The following UPP2 variants were observed in gnomAD, a reference collection of about 807,000 sequenced individuals.
UPP2 encodes the protein UPase 2.
In UPP2, 23 loss-of-function variants were observed where a neutral mutation model predicts 26.7. The ratio of observed to expected loss-of-function variants is 0.86; its 90% CI spans 0.62 to 1.22. UPP2 has a LOEUF of 1.22. UPP2 is among the 50% of genes most tolerant of loss of function. The pLI, the probability that UPP2 is intolerant of heterozygous loss-of-function variation, is 0.00. For missense variants in UPP2, 387 were observed against 396.7 expected, an observed-to-expected ratio of 0.98 and a Z score of 0.21; for synonymous variants, 127 against 141.3, an observed-to-expected ratio of 0.90 and a Z score of 0.72.
chr2:158,126,596 C>T (rs1683699453), intron 6 of UPP2: 1 of 152,190 alleles, frequency 6.6e-6, no homozygotes, highest in South Asian at 2.1e-4. Flanking sequence ...TCTTTCATTA[C>T]TACTTCATAA....
chr2:158,033,516 C>A (rs1018288099), intron 3 of UPP2, among the ~76,000 whole-genome samples: 4 of 152,110 alleles, frequency 2.6e-5, no homozygotes, highest in African/African-American at 9.7e-5. Context: ...GGGAGCCAGC[C>A]AGCCAGCCAG....
At chr2:158,092,387 T>C (rs1682925127) in intron 3 of UPP2, among the ~76,000 whole-genome samples, 1 of 152,104 alleles carries the variant, frequency 6.6e-6, no homozygotes, top group Admixed American at 6.5e-5. Flanking sequence ...CACAAGCAGA[T>C]GAAAACAAAC....
In UPP2 at chr2:158,115,277, C is replaced by T. The variant is rs1288093767; in HGVS notation, c.339+18C>T. On this transcript the variant is annotated intron_variant, in intron 3 of 6. Transcript: ENST00000005756. The stretch of plus-strand genomic sequence containing the variant: ...CCATCAGTGTAAGTATCCATGGTTG[C>T]ATTTCAGCTAGTCATTGCAGGCTAG... 2 of 1,582,966 alleles carry T rather than the reference C, an allele frequency of 1.3e-6. No individual in the cohort carries two copies. Among genetic ancestry groups the T allele is most frequent in the African/African-American group, 1.4e-5 (1 of 73,414 alleles).
chr2:158,109,674 A>C (rs6707705), intron 2 of UPP2, among the ~76,000 whole-genome samples: 84,844 of 152,024 alleles, frequency 0.56, 24,136 homozygotes, highest in African/African-American at 0.62. Flanking sequence ...GACCTTGTCT[A>C]ACTGGAAAGG....
At chr2:158,033,548 T>C (rs374927703) in intron 3 of UPP2, among the ~76,000 whole-genome samples, 191 of 152,244 alleles carry the variant, frequency 1.3e-3, no homozygotes, top group African/African-American at 3.9e-3. Context: ...TCCTCCTCTT[T>C]CCTGGGAAGA....
chr2:157,995,540 T>C (rs1026212363), intron 2 of UPP2, among the ~76,000 whole-genome samples: 3 of 152,188 alleles, frequency 2.0e-5, no homozygotes, highest in Admixed American at 2.0e-4. Context: ...ACTGGTGCCT[T>C]ATTTTCAATC....
At chr2:158,134,679 G>C (rs1298866951) in intron 6 of UPP2, 69 bp from the exon 7 acceptor site, 39 of 1,482,984 alleles carry the variant, frequency 2.6e-5, no homozygotes, top group Non-Finnish European at 3.5e-5. Flanking sequence ...ATGCTGGTGT[G>C]TTTGGCTAAT....
At chr2:158,126,196 C>G (rs1683690569) in intron 6 of UPP2, among the ~76,000 whole-genome samples, 2 of 152,172 alleles carry the variant, frequency 1.3e-5, no homozygotes, top group African/African-American at 4.8e-5. Flanking sequence ...TAACCTTGCT[C>G]TCTCTGCTAC....
intron 3 of UPP2, among the ~76,000 whole-genome samples, chr2:158,033,351 C>T (rs914091549): frequency 6.6e-6 from 1 of 152,206 alleles, no homozygotes; most frequent in African/African-American, 2.4e-5. Context: ...CTCACACTCA[C>T]CTACTCTCCT....
At chr2:158,021,492 A>G (rs947022788) in intron 3 of UPP2, among the ~76,000 whole-genome samples, 2 of 152,246 alleles carry the variant, frequency 1.3e-5, no homozygotes, top group African/African-American at 4.8e-5. Context: ...CTGTCTGTTC[A>G]TCGGAGGAGA....
chr2:158,094,062 C>T (rs1425166258), intron 3 of UPP2, among the ~76,000 whole-genome samples: 2 of 151,302 alleles, frequency 1.3e-5, no homozygotes, highest in East Asian at 3.9e-4. Context: ...TACACACACG[C>T]ACACACCTTA....
At chr2:158,032,776 G>C (rs1683942703) in intron 3 of UPP2, among the ~76,000 whole-genome samples, 1 of 152,168 alleles carries the variant, frequency 6.6e-6, no homozygotes, top group African/African-American at 2.4e-5. Flanking sequence ...ATGAGTTCCA[G>C]GTTATTGAAG....
chr2:158,048,271 C>T (rs1003930709), intron 3 of UPP2, among the ~76,000 whole-genome samples: 1 of 152,124 alleles, frequency 6.6e-6, no homozygotes, highest in Admixed American at 6.5e-5. Flanking sequence ...CTGAGTGGGG[C>T]CCCCATGCTC....
intron 3 of UPP2, among the ~76,000 whole-genome samples, chr2:158,019,648 AC>A (rs1553463329): frequency 3.8e-5 from 3 of 79,570 alleles, no homozygotes; most frequent in Non-Finnish European, 6.4e-5. Context: ...AAACACACAC[AC>A]ACACACACAC....
At chr2:158,089,632 T>A (rs1682875072) in intron 3 of UPP2, among the ~76,000 whole-genome samples, 1 of 152,188 alleles carries the variant, frequency 6.6e-6, no homozygotes, top group African/African-American at 2.4e-5. Flanking sequence ...TGAGACAAAG[T>A]CAGAAATGGC....
At chr2:158,039,162 A>AGTGAAGGGGGC (rs1684048976) in intron 3 of UPP2, among the ~76,000 whole-genome samples, 2 of 152,086 alleles carry the variant, frequency 1.3e-5, no homozygotes, top group Admixed American at 1.3e-4. Context: ...GAGGCTGGGG[A>AGTGAAGGGGGC]AGTGAAGGGG....
Position 158,072,990 on chromosome 2 carries a change from C to A in UPP2, c.148-29050C>A, listed in dbSNP as rs4588140. Among the ~76,000 whole-genome samples, 488 of 152,078 alleles carry A rather than the reference C, an allele frequency of 3.2e-3. 2 individuals are homozygous for A. Among genetic ancestry groups the A allele is most frequent in the African/African-American group, 0.011 (469 of 41,488 alleles). On this transcript the variant is annotated intron_variant, in intron 3 of 9. Coordinates refer to the UPP2 transcript ENST00000605860. ...TGACTTCACCAAACTAAATAAGGTA[C>A]CATGGACCAATCCTGGAAAAACAGA...
At chr2:158,008,989 A>G (rs561596638) in intron 2 of UPP2, among the ~76,000 whole-genome samples, 1 of 152,294 alleles carries the variant, frequency 6.6e-6, no homozygotes, top group Non-Finnish European at 1.5e-5. Flanking sequence ...TCCCCTCTTT[A>G]ATAGCTTTTT....
intron 3 of UPP2, among the ~76,000 whole-genome samples, chr2:158,036,964 G>A (rs187614098): frequency 5.3e-5 from 8 of 152,280 alleles, no homozygotes; most frequent in Non-Finnish European, 1.0e-4. Context: ...TCAGTAGAAA[G>A]TCTGTATGGG....
Sources: allele counts gnomAD v4.1 joint callset (sites outside exome capture counted in the v4.1 genomes callset), GRCh38; gene constraint gnomAD v4.1.1; transcripts MANE v1.5; gene names NCBI Gene and HGNC (gene_info 2026-07-23, HGNC 2026-07-21).